CD38: variants seen among roughly 807,000 people sequenced by gnomAD.
CD38 encodes CD38 molecule.
Under a neutral mutation model 36.3 loss-of-function variants are expected in CD38, and 31 were observed. That is an observed-to-expected ratio of 0.85 (90% CI 0.64 to 1.15). The LOEUF (loss-of-function observed/expected upper bound fraction) is 1.15, where lower values mean the gene tolerates loss of function less well. CD38 is among the 50% of genes most tolerant of loss of function. The pLI is 0.00. For synonymous variants in CD38, 131 were observed against 135.2 expected (o/e 0.97, Z 0.22); for missense variants, 380 against 371.9 (o/e 1.02, Z -0.18).
chr4:15,796,331 G>C (rs991253692), intron 1 of CD38, among the ~76,000 whole-genome samples: 28 of 152,030 alleles, frequency 1.8e-4, no homozygotes, highest in Non-Finnish European at 2.1e-4. Context: ...TATACTTTGT[G>C]TTTCCCAGGT....
chr4:15,828,359 T>C (rs1004842985), intron 3 of CD38, among the ~76,000 whole-genome samples: 3 of 152,188 alleles, frequency 2.0e-5, no homozygotes, highest in Non-Finnish European at 4.4e-5. Flanking sequence ...AAGTTTACTG[T>C]CTTAGCAATG....
intron 1 of CD38, among the ~76,000 whole-genome samples, chr4:15,788,815 A>G (rs1487588629): frequency 3.3e-5 from 5 of 152,266 alleles, no homozygotes; most frequent in Non-Finnish European, 7.3e-5. Context: ...GGAATCAGCA[A>G]AATGACAAAC....
intron 5 of CD38, among the ~76,000 whole-genome samples, chr4:15,838,407 T>C (rs2148928114): frequency 6.6e-6 from 1 of 152,282 alleles, no homozygotes; most frequent in Non-Finnish European, 1.5e-5. Flanking sequence ...ATCTAGCCCC[T>C]GCTCTTAACT....
intron 4 of CD38, among the ~76,000 whole-genome samples, chr4:15,834,985 C>G (rs1053845608): frequency 6.6e-6 from 1 of 151,982 alleles, no homozygotes; most frequent in African/African-American, 2.4e-5. Context: ...GTGATGAAAT[C>G]GGGGTAATTA....
intron 1 of CD38, among the ~76,000 whole-genome samples, chr4:15,783,084 A>C (rs1160452514): frequency 6.6e-6 from 1 of 152,214 alleles, no homozygotes; most frequent in Admixed American, 6.5e-5. Flanking sequence ...CTCAAGGGCC[A>C]CACACAAGAG....
chr4:15,815,655 G>A (rs984284685), intron 1 of CD38, among the ~76,000 whole-genome samples: 1 of 152,210 alleles, frequency 6.6e-6, no homozygotes, highest in Non-Finnish European at 1.5e-5. Flanking sequence ...AGCTTAAGGA[G>A]GTTTTGGGCT....
chr4:15,830,816 C>T (rs1296884647), intron 3 of CD38, among the ~76,000 whole-genome samples: 1 of 152,004 alleles, frequency 6.6e-6, no homozygotes, highest in Non-Finnish European at 1.5e-5. Flanking sequence ...TCATTTTTAT[C>T]CATTGAGCCA....
chr4:15,832,268 G>C (rs1344420560), intron 3 of CD38, among the ~76,000 whole-genome samples: 1 of 152,064 alleles, frequency 6.6e-6, no homozygotes, highest in East Asian at 1.9e-4. Context: ...ATTGATCTCT[G>C]ATGTCTTATT....
Position 15,778,809 on chromosome 4 carries a change from G to A in CD38, c.233+162G>A, listed in dbSNP as rs1722619927. On this transcript the variant is annotated intron_variant, in intron 1 of 7. Transcript: ENST00000226279. The surrounding 1 kb of genome is among the most constrained non-coding windows in gnomAD (Gnocchi z 4.9). The stretch of plus-strand genomic sequence containing the variant: ...TAGGGAGTCCCGGGCTCGGGGCTCC[G>A]CGGGCCGCTTTCAGGAGCAGCTGGC... Among the ~76,000 whole-genome samples the A allele has an allele frequency of 6.6e-6, 1 of 152,078 alleles. No individual in the cohort carries two copies. The highest frequency in any genetic ancestry group is 2.1e-4 in the South Asian group (1 of 4,830).
At chr4:15,786,979 T>C (rs938947691) in intron 1 of CD38, among the ~76,000 whole-genome samples, 2 of 152,220 alleles carry the variant, frequency 1.3e-5, no homozygotes, top group African/African-American at 4.8e-5. Flanking sequence ...CTGGCCTGGG[T>C]GCTAAGCCCT....
At chr4:15,789,606 T>C (rs886367464) in intron 1 of CD38, among the ~76,000 whole-genome samples, 5 of 152,158 alleles carry the variant, frequency 3.3e-5, no homozygotes, top group South Asian at 2.1e-4. Context: ...GGATGAGAGA[T>C]TGGCCCTTTA....
At chr4:15,781,299 C>G (rs536625758) in intron 1 of CD38, among the ~76,000 whole-genome samples, 1 of 152,328 alleles carries the variant, frequency 6.6e-6, no homozygotes, top group African/African-American at 2.4e-5. Context: ...CCAAGTCCAT[C>G]TTGCCTGCAC....
chr4:15,839,498 A>T (rs1207836242), intron 5 of CD38, among the ~76,000 whole-genome samples: 4 of 133,280 alleles, frequency 3.0e-5, no homozygotes, highest in Admixed American at 9.7e-5. Context: ...GTCTCCGCTC[A>T]CTGCAAGCTC....
intron 3 of CD38, among the ~76,000 whole-genome samples, chr4:15,830,458 A>T (rs1723937756): frequency 6.6e-6 from 1 of 152,072 alleles, no homozygotes; most frequent in Admixed American, 6.6e-5. Flanking sequence ...TTTCCTATAG[A>T]GTTGTTTGAA....
intron 1 of CD38, among the ~76,000 whole-genome samples, chr4:15,786,183 G>A (rs997235979): frequency 1.3e-5 from 2 of 152,206 alleles, no homozygotes; most frequent in African/African-American, 2.4e-5. Context: ...CTTCCCCAGT[G>A]TAGAAGTGTA....
At chr4:15,829,465 A>G (rs1178600360) in intron 3 of CD38, among the ~76,000 whole-genome samples, 6 of 152,266 alleles carry the variant, frequency 3.9e-5, no homozygotes, top group Non-Finnish European at 7.4e-5. Flanking sequence ...CCACACATAA[A>G]ATACACTAAT....
chr4:15,816,858 A>G, intron 2 of CD38: 1 of 513,244 alleles, frequency 1.9e-6, no homozygotes, highest in Non-Finnish European at 3.5e-6. Context: ...AGAAATAGGG[A>G]TACAGAGATA....
chr4:15,836,980 C>T (rs960935698), intron 4 of CD38, among the ~76,000 whole-genome samples: 5 of 152,166 alleles, frequency 3.3e-5, no homozygotes, highest in African/African-American at 1.2e-4. Flanking sequence ...ACCCAAAATC[C>T]ACCCACTTCA....
chr4:15,806,752 C>T (rs1723350368), intron 1 of CD38, among the ~76,000 whole-genome samples: 1 of 152,146 alleles, frequency 6.6e-6, no homozygotes, highest in African/African-American at 2.4e-5. Context: ...AAAGGGAAAA[C>T]ATGCCATTGA....
Sources: gnomAD v4.1 joint callset for allele counts (sites outside exome capture counted in the v4.1 genomes callset) on GRCh38, gnomAD v4.1.1 for gene constraint, Gnocchi (gnomAD v3.1) non-coding constraint, MANE v1.5 for transcripts, NCBI Gene and HGNC (gene_info 2026-07-23, HGNC 2026-07-21) for gene names.